RABGAP1L: variants seen among roughly 807,000 people sequenced by gnomAD.
RABGAP1L encodes the protein RAB GTPase activating protein 1 like.
RABGAP1L carries 63 observed loss-of-function variants against 137.7 expected under a neutral mutation model. That is an observed-to-expected ratio of 0.46 (90% CI 0.37 to 0.56). RABGAP1L has a LOEUF of 0.56. Ranked by LOEUF, RABGAP1L falls within the 20% of genes least tolerant of loss-of-function variation. The pLI is 0.00. For missense variants in RABGAP1L, 1,095 were observed against 1,244.0 expected (o/e 0.88, Z 1.80); for synonymous variants, 431 against 433.7 (o/e 0.99, Z 0.08).
intron 13 of RABGAP1L, among the ~76,000 whole-genome samples, chr1:174,502,111 G>A (rs1661331512): frequency 6.6e-6 from 1 of 151,580 alleles, no homozygotes; most frequent in Non-Finnish European, 1.5e-5. Flanking sequence ...TCAGAATTTG[G>A]TGCTCTTTAT....
At chr1:174,770,653 A>T (rs1048576135) in intron 18 of RABGAP1L, among the ~76,000 whole-genome samples, 2 of 152,196 alleles carry the variant, frequency 1.3e-5, no homozygotes, top group African/African-American at 4.8e-5. Context: ...GAGCAAAATA[A>T]GTACTCATTT....
chr1:174,198,059 T>C (rs1667827787), intron 1 of RABGAP1L, among the ~76,000 whole-genome samples: 3 of 152,234 alleles, frequency 2.0e-5, no homozygotes, highest in Admixed American at 2.0e-4. Context: ...ATATGTATCA[T>C]GATCAACTGG....
intron 1 of RABGAP1L, among the ~76,000 whole-genome samples, chr1:174,207,271 T>C (rs867659210): frequency 6.6e-6 from 1 of 152,196 alleles, no homozygotes; most frequent in Non-Finnish European, 1.5e-5. Context: ...CTGTAGTACA[T>C]GCTGCGTTGA....
chr1:174,561,298 AC>A (rs1210490441), intron 13 of RABGAP1L, among the ~76,000 whole-genome samples: 2 of 152,218 alleles, frequency 1.3e-5, no homozygotes, highest in Non-Finnish European at 2.9e-5. Flanking sequence ...AATAAAACTT[AC>A]AGGGATGTGA....
chr1:174,651,892 T>G (rs1180142446), intron 14 of RABGAP1L, among the ~76,000 whole-genome samples: 2 of 152,206 alleles, frequency 1.3e-5, no homozygotes, highest in Admixed American at 6.5e-5. Flanking sequence ...TGTTAGGTGG[T>G]TATTTTGCTC....
chr1:174,429,746 A>AAAAAAT (rs1465874097), intron 13 of RABGAP1L, among the ~76,000 whole-genome samples: 3 of 151,226 alleles, frequency 2.0e-5, no homozygotes. Flanking sequence ...TCTCAAAAAA[A>AAAAAAT]AAAAATAAAA....
intron 14 of RABGAP1L, among the ~76,000 whole-genome samples, chr1:174,640,746 A>T (rs431179): frequency 6.6e-6 from 1 of 151,362 alleles, no homozygotes; most frequent in South Asian, 2.1e-4. Context: ...TTCTTTTTCT[A>T]TTTGTCTCTT....
chr1:174,606,305 A>G (rs1331081307), intron 13 of RABGAP1L, among the ~76,000 whole-genome samples: 1 of 152,188 alleles, frequency 6.6e-6, no homozygotes, highest in African/African-American at 2.4e-5. Context: ...TCCTGAATTC[A>G]TAGCTGTATA....
At chr1:174,800,031 C>T in intron 18 of RABGAP1L, 1 of 1,153,530 alleles carries the variant, frequency 8.7e-7, no homozygotes, top group East Asian at 5.4e-5. Context: ...TCCGTTTTTA[C>T]ACATGTATCT....
intron 14 of RABGAP1L, among the ~76,000 whole-genome samples, chr1:174,662,122 G>GA (rs1676428291): frequency 7.8e-5 from 1 of 12,754 alleles, no homozygotes; most frequent in African/African-American, 9.9e-4. Context: ...TTTTTTTTTT[G>GA]AGTTGGAGTC....
At chr1:174,649,063 C>T (rs1304385894) in intron 14 of RABGAP1L, among the ~76,000 whole-genome samples, 1 of 151,874 alleles carries the variant, frequency 6.6e-6, no homozygotes, top group Non-Finnish European at 1.5e-5. Flanking sequence ...GTAAATATTC[C>T]CCCATCTCTT....
chr1:174,619,813 A>C lies in RABGAP1L; in HGVS notation c.1711-17562A>C, dbSNP rs192328470. 1.4e-4 allele frequency among the ~76,000 whole-genome samples: 22 copies of C among 152,298 alleles called. No homozygotes were observed. In the East Asian group the frequency reaches 1.9e-3, roughly 13 times the overall value. ...AATATTAACTTTACATGTAAATGGAATAAATGCTCCAATTAAAAGACACAG... is the reference window on the plus strand; with the variant it reads ...AATATTAACTTTACATGTAAATGGACTAAATGCTCCAATTAAAAGACACAG... On this transcript the variant is annotated intron_variant, in intron 13 of 25. Coordinates refer to ENST00000681986, the MANE Select transcript of RABGAP1L (RefSeq NM_001366446.1).
intron 18 of RABGAP1L, among the ~76,000 whole-genome samples, chr1:174,778,818 AC>A (rs1191443874): frequency 6.6e-6 from 1 of 151,128 alleles, no homozygotes; most frequent in Non-Finnish European, 1.5e-5. Flanking sequence ...CTTGTCTCAA[AC>A]TCCTGACCTT....
At chr1:174,550,167 A>G (rs1666315310) in intron 13 of RABGAP1L, among the ~76,000 whole-genome samples, 1 of 152,242 alleles carries the variant, frequency 6.6e-6, no homozygotes, top group Non-Finnish European at 1.5e-5. Context: ...ATACCTCCAC[A>G]AATATATATC....
chr1:174,371,852 A>G (rs1470997033), intron 12 of RABGAP1L, among the ~76,000 whole-genome samples: 1 of 152,188 alleles, frequency 6.6e-6, no homozygotes, highest in Non-Finnish European at 1.5e-5. Flanking sequence ...TATCCTTTCA[A>G]GAGAAAAGTG....
chr1:174,345,350 T>A (rs1241352674), intron 11 of RABGAP1L, among the ~76,000 whole-genome samples: 3 of 152,198 alleles, frequency 2.0e-5, no homozygotes, highest in African/African-American at 4.8e-5. Context: ...TTAAAAGGGA[T>A]TACATTAAAT....
intron 18 of RABGAP1L, among the ~76,000 whole-genome samples, chr1:174,807,029 C>T (rs185873189): frequency 1.1e-4 from 17 of 152,244 alleles, no homozygotes; most frequent in Admixed American, 1.0e-3. Flanking sequence ...CAAAGTGATC[C>T]GCCCACCTTG....
intron 1 of RABGAP1L, among the ~76,000 whole-genome samples, chr1:174,189,107 G>A (rs1290602862): frequency 7.9e-5 from 12 of 152,130 alleles, no homozygotes; most frequent in South Asian, 6.2e-4. Context: ...CTGGGTTCAC[G>A]CCATTCTCCT....
intron 1 of RABGAP1L, among the ~76,000 whole-genome samples, chr1:174,187,837 C>A (rs1030466374): frequency 2.6e-5 from 4 of 151,734 alleles, no homozygotes; most frequent in Admixed American, 2.6e-4. Flanking sequence ...TCTTTGTGAC[C>A]CTACATAACG....
Sources: allele counts gnomAD v4.1 joint callset (sites outside exome capture counted in the v4.1 genomes callset), GRCh38; gene constraint gnomAD v4.1.1; transcripts MANE v1.5; gene names NCBI Gene and HGNC (gene_info 2026-07-23, HGNC 2026-07-21).